The following RTEL1 variants were observed in gnomAD, a reference collection of about 807,000 sequenced individuals.
RTEL1 encodes regulator of telomere length.
In RTEL1, 86 loss-of-function variants were observed where a neutral mutation model predicts 162.2. The observed-to-expected ratio is 0.53, with a 90% CI of 0.45 to 0.63. The LOEUF is 0.63. Among genes scored for constraint, RTEL1 ranks in the 30% least tolerant of loss-of-function variants. The pLI is 0.00. For missense variants in RTEL1, 1,941 were observed against 1,750.2 expected (o/e 1.11, Z -1.95); for synonymous variants, 958 against 717.9 (o/e 1.33, Z -5.35).
rs544841425 is a variant in RTEL1, at chr20:63,661,324, T to C, written c.129T>C (p.Pro43=). The C allele has an allele frequency of 2.5e-6, 4 of 1,612,686 alleles. No individual in the cohort carries two copies. The highest frequency in any genetic ancestry group is 3.4e-6 in the Non-Finnish European group (4 of 1,180,038). The part of the protein sequence containing the change: ...QQKVNGILES[P]TGTGKTLCLL... ...AGGTGAATGGCATCCTGGAGAGCCCTACGGGTACAGGGAAGACGCTGTGCC... is the reference window on the plus strand; with the variant it reads ...AGGTGAATGGCATCCTGGAGAGCCCCACGGGTACAGGGAAGACGCTGTGCC... The change falls in exon 3 of 35, where the codon CCT becomes CCC. Residue 43 remains proline, a synonymous_variant. Transcript: ENST00000360203. This position sits in a 1 kb window ranked among gnomAD's most constrained non-coding sequence, Gnocchi z 5.1.
Position 63,661,952 on chromosome 20 carries a change from G to A in RTEL1, c.395+9G>A, listed in dbSNP as rs2146151037. 6.2e-7 allele frequency: 1 copy of A among 1,610,246 alleles called. No homozygotes were observed. The highest frequency in any genetic ancestry group is 1.1e-5 in the South Asian group (1 of 90,996). On this transcript the variant is annotated intron_variant, in intron 4 of 34. Transcript: ENST00000360203. The surrounding 1 kb of genome is among the most constrained non-coding windows in gnomAD (Gnocchi z 5.1). ...CGGAACACCTCCTACCGGTGGGTCA[G>A]ACGAGTTTACACCTGTCTCGGGGTC...
intron 13 of RTEL1, among the ~76,000 whole-genome samples, 189 bp downstream of exon 13, chr20:63,680,135 C>G (rs2090451316): frequency 6.6e-6 from 1 of 152,228 alleles, no homozygotes; most frequent in South Asian, 2.1e-4. Context: ...AGAGCCTGTC[C>G]CAGTTCTGCA....
chr20:63,661,231 C>T lies in RTEL1; in HGVS notation c.103-67C>T, dbSNP rs1478407001. On this transcript the variant is annotated intron_variant, in intron 2 of 34. Coordinates refer to ENST00000360203, the MANE Select transcript of RTEL1 (RefSeq NM_001283009.2). This position sits in a 1 kb window ranked among gnomAD's most constrained non-coding sequence, Gnocchi z 5.1. Reference sequence around the variant, plus strand: ...GCCCGCTGGCTGCCGAAGCTTGTCTCAGGGCAGCTTGTGTGGCCTCGCCTC... The same window carrying T: ...GCCCGCTGGCTGCCGAAGCTTGTCTTAGGGCAGCTTGTGTGGCCTCGCCTC... The T allele has an allele frequency of 1.5e-5, 22 of 1,471,102 alleles. No individual in the cohort carries two copies. The South Asian group carries it at 1.9e-4, about 12-fold the overall frequency. The allele number at this position is 1,471,102 out of a possible 1,614,324, so 91.1% of individuals were successfully genotyped here.
At chr20:63,673,168 C>T (rs996321446) in intron 9 of RTEL1, among the ~76,000 whole-genome samples, 4 of 151,708 alleles carry the variant, frequency 2.6e-5, no homozygotes, top group Non-Finnish European at 5.9e-5. Flanking sequence ...CTGAGGTGGG[C>T]GGATCACGAG....
chr20:63,692,277 C>A, intron 28 of RTEL1: 1 of 224,852 alleles, frequency 4.4e-6, no homozygotes, highest in South Asian at 6.5e-5. Flanking sequence ...TGGGTGGTGC[C>A]CAGGCAGGGC....
rs187241603 is a variant in RTEL1 at position 63,662,952 on chromosome 20, T to C, written c.538+63T>C. ...TGTGTGCAGCCTCTCAGGGTGGAGC[T>C]CAGTGGTGTCACAGCCTGGTTGTGC... On this transcript the variant is annotated intron_variant, in intron 6 of 34. Coordinates refer to ENST00000360203, the MANE Select transcript of RTEL1 (RefSeq NM_001283009.2). 368 of 1,494,106 alleles carry C rather than the reference T, an allele frequency of 2.5e-4. 1 individual carries two copies. The African/African-American group carries it at 4.6e-3, about 19-fold the overall frequency. 92.6% of individuals were successfully genotyped at this position (1,494,106 alleles called of 1,614,324 possible). A position where few individuals can be genotyped will look rare whatever the true frequency, so the allele number is the denominator to read the frequency against.
intron 22 of RTEL1, among the ~76,000 whole-genome samples, 166 bp downstream of exon 22, chr20:63,689,298 C>T (rs1052274778): frequency 6.6e-6 from 1 of 152,198 alleles, no homozygotes; most frequent in Admixed American, 6.5e-5. Flanking sequence ...TGGGCCTGGG[C>T]AGGCAGGATG....
chr20:63,674,162 C>T, intron 10 of RTEL1, 69 bp downstream of exon 10: 4 of 1,535,576 alleles, frequency 2.6e-6, no homozygotes, highest in Non-Finnish European at 3.5e-6. Context: ...ACCCGGAGTT[C>T]AGCACGGACT....
chr20:63,691,064 A>AGGCAGGCG (rs1215133749), intron 27 of RTEL1, 117 bp downstream of exon 27: 5 of 1,151,854 alleles, frequency 4.3e-6, no homozygotes, highest in South Asian at 3.4e-5. Flanking sequence ...CCTGCCTGGC[A>AGGCAGGCG]GGCAGGCGGG....
In RTEL1 at chr20:63,695,814, A is replaced by C. The variant is rs1346607345; in HGVS notation, c.3859A>C (p.Arg1287=). 2 of 1,600,556 alleles carry C rather than the reference A, an allele frequency of 1.2e-6. No individual in the cohort carries two copies. Among genetic ancestry groups the C allele is most frequent in the African/African-American group, 2.7e-5 (2 of 74,926 alleles). Residue 1287 remains arginine (R), a synonymous_variant, in exon 35 of 35, where the codon AGG becomes CGG. Coordinates refer to ENST00000360203, the MANE Select transcript of RTEL1 (RefSeq NM_001283009.2). ...RMCPACHTAS[R]KQSVMQVFWP... ...GTGCCCAGCCTGCCACACCGCCTCC[A>C]GGAAGCAGAGCGTCATGCAGGTCTT... is the stretch of plus-strand genomic sequence containing the variant.
In RTEL1 at chr20:63,690,376, T is replaced by A; in HGVS notation, c.2348T>A (p.Phe783Tyr). The stretch of plus-strand genomic sequence containing the variant: ...AGCGAGGCCAAGTCGCCTGGCCCCT[T>A]CTTCTCCACCAGGAAAGCTAAGAGT... ...AVSEAKSPGP[F>Y]FSTRKAKSLD... is the part of the protein sequence containing the mutation. The change falls in exon 26 of 35, where the codon TTC (phenylalanine) becomes TAC (tyrosine). Residue 783 changes from phenylalanine (F) to tyrosine (Y), a missense_variant. Coordinates refer to ENST00000360203, the MANE Select transcript of RTEL1 (RefSeq NM_001283009.2). 1.9e-6 allele frequency: 3 copies of A among 1,611,456 alleles called. No homozygotes were observed. Among genetic ancestry groups the A allele is most frequent in the Non-Finnish European group, 2.5e-6 (3 of 1,179,238 alleles).
Position 63,689,503 on chromosome 20 carries a change from C to A in RTEL1, c.1880C>A (p.Ala627Asp). Residue 627 changes from alanine to aspartate, a missense_variant and splice_region_variant, in exon 23 of 35, where the codon GCC becomes GAC. Physicochemically the swap from Ala to Asp is moderately radical, Grantham distance 126. Coordinates refer to ENST00000360203, the MANE Select transcript of RTEL1 (RefSeq NM_001283009.2). ...ATFLAVCRGK[A>D]SEGLDFSDTN... is the part of the protein sequence containing the mutation. ...GCAGCTCCCTGGTGTGTCCCCTAGG[C>A]CAGCGAGGGGCTGGACTTCTCAGAC... 6.3e-7 allele frequency: 1 copy of A among 1,592,620 alleles called. No individual in the cohort carries two copies. The highest frequency in any genetic ancestry group is 1.8e-5 in the Admixed American group (1 of 57,012).
At chr20:63,688,721 C>G in intron 21 of RTEL1, 116 bp downstream of exon 21, 1 of 857,760 alleles carries the variant, frequency 1.2e-6, no homozygotes. Context: ...CTCCCGCTGC[C>G]TCTTCAGGGC....
chr20:63,694,249 G>A, intron 30 of RTEL1, 123 bp from the exon 31 acceptor site: 1 of 810,050 alleles, frequency 1.2e-6, no homozygotes, highest in East Asian at 2.5e-5. Context: ...GTACCTGCCT[G>A]GGTTTTCCCG....
intron 30 of RTEL1, among the ~76,000 whole-genome samples, chr20:63,693,854 C>T (rs559290609): frequency 2.0e-5 from 3 of 149,124 alleles, no homozygotes; most frequent in South Asian, 2.2e-4. Flanking sequence ...AAGCACAGCC[C>T]TGTCCAACTG....
At position 63,692,174 on chromosome 20, in the gene RTEL1, C is replaced by T. The variant is rs114349189; in HGVS notation, c.2652+337C>T. The T allele has an allele frequency of 3.9e-3, 1,021 of 259,272 alleles. 4 individuals carry two copies. Among genetic ancestry groups the T allele is most frequent in the African/African-American group, 9.9e-3 (442 of 44,440 alleles). 16.1% of individuals were successfully genotyped at this position (259,272 alleles called of 1,614,324 possible). On this transcript the variant is annotated intron_variant, in intron 28 of 34. Coordinates refer to ENST00000360203, the MANE Select transcript of RTEL1 (RefSeq NM_001283009.2). ...CCATTCCTAGCCTTGGATCAAAGAA[C>T]GGAGTTATAGCCGGAGCCAGGAAGC...
chr20:63,693,997 G>A (rs1161752084), intron 30 of RTEL1, among the ~76,000 whole-genome samples: 1 of 151,800 alleles, frequency 6.6e-6, no homozygotes, highest in Non-Finnish European at 1.5e-5. Context: ...AGAGGCGGAA[G>A]CATCTGTGTT....
At chr20:63,688,637 G>T in intron 21 of RTEL1, 32 bp downstream of exon 21, 1 of 1,569,746 alleles carries the variant, frequency 6.4e-7, no homozygotes, top group Non-Finnish European at 8.6e-7. Flanking sequence ...TGGGCCTGCT[G>T]CCCCCTCGTG....
At chr20:63,666,490 G>A (rs1308138546) in intron 7 of RTEL1, among the ~76,000 whole-genome samples, 3 of 152,224 alleles carry the variant, frequency 2.0e-5, no homozygotes, top group Non-Finnish European at 2.9e-5. Context: ...TACAGCTTCA[G>A]AGATTCAAGT....
Sources: gnomAD v4.1 joint callset for allele counts (sites outside exome capture counted in the v4.1 genomes callset) on GRCh38, gnomAD v4.1.1 for gene constraint, Gnocchi (gnomAD v3.1) non-coding constraint, MANE v1.5 for transcripts, NCBI Gene and HGNC (gene_info 2026-07-23, HGNC 2026-07-21) for gene names.